NRXN3: variants seen among roughly 807,000 people sequenced by gnomAD.
NRXN3 encodes neurexin III.
Under a neutral mutation model 137.6 loss-of-function variants are expected in NRXN3, and 32 were observed. The ratio of observed to expected loss-of-function variants is 0.23; its 90% CI spans 0.18 to 0.31. The LOEUF (loss-of-function observed/expected upper bound fraction) is 0.31. NRXN3 is among the 10% of genes least tolerant of loss of function. The probability of loss-of-function intolerance (pLI) is 1.00; values close to 1 mark genes in which losing one functional copy is unlikely to be tolerated. For synonymous variants in NRXN3, 798 were observed against 784.5 expected (o/e 1.02, Z -0.29); for missense variants, 1,574 against 2,062.5 (o/e 0.76, Z 4.59).
At chr14:78,780,237 G>A (rs1172000404) in intron 8 of NRXN3, among the ~76,000 whole-genome samples, 2 of 151,882 alleles carry the variant, frequency 1.3e-5, no homozygotes, top group African/African-American at 4.8e-5. Flanking sequence ...TATGATGCTG[G>A]AATAATTTCT....
At chr14:78,893,781 T>C (rs1378070888) in intron 10 of NRXN3, among the ~76,000 whole-genome samples, 1 of 151,892 alleles carries the variant, frequency 6.6e-6, no homozygotes, top group Non-Finnish European at 1.5e-5. Context: ...GTATAAAGTG[T>C]CCAGATAAAA....
rs1161356470 is a variant in NRXN3 at position 78,957,321 on chromosome 14, A to C, written c.2355A>C (p.Gly785=). 2 of 1,613,950 alleles carry C rather than the reference A, an allele frequency of 1.2e-6. No homozygotes were observed. The highest frequency in any genetic ancestry group is 4.5e-5 in the East Asian group (2 of 44,890). ...ACACCGTTCGGGTGGTGCGGAGAGGAAAAAGCCTTAAGTTAACCGTGGATG... is the reference window on the plus strand; with the variant it reads ...ACACCGTTCGGGTGGTGCGGAGAGGCAAAAGCCTTAAGTTAACCGTGGATG... ...EWHTVRVVRR[G]KSLKLTVDDD... is the part of the protein sequence containing the mutation. Residue 785 remains glycine (G), a synonymous_variant, in exon 11 of 21, where the codon GGA becomes GGC. Coordinates refer to ENST00000335750, the MANE Select transcript of NRXN3 (RefSeq NM_001330195.2).
intron 4 of NRXN3, among the ~76,000 whole-genome samples, chr14:78,563,267 A>G (rs1347306338): frequency 6.6e-6 from 1 of 152,242 alleles, no homozygotes; most frequent in Non-Finnish European, 1.5e-5. Flanking sequence ...AGGGCTCTCC[A>G]ATATTCATCG....
chr14:79,789,439 C>T (rs1452131337), intron 19 of NRXN3, among the ~76,000 whole-genome samples: 1 of 152,046 alleles, frequency 6.6e-6, no homozygotes, highest in African/African-American at 2.4e-5. Context: ...AGGGTGAGTT[C>T]ACAGGGTACA....
intron 4 of NRXN3, among the ~76,000 whole-genome samples, chr14:78,488,945 C>A (rs1442380050): frequency 6.6e-6 from 1 of 152,022 alleles, no homozygotes; most frequent in South Asian, 2.1e-4. Flanking sequence ...GTAGGTAGCA[C>A]TTACCATGGA....
At chr14:79,049,128 C>A (rs926169918) in intron 15 of NRXN3, among the ~76,000 whole-genome samples, 1 of 132,648 alleles carries the variant, frequency 7.5e-6, no homozygotes, top group Non-Finnish European at 1.6e-5. Context: ...ACTGATTCTT[C>A]TGTTTACAAA....
chr14:79,726,286 G>A (rs924516717), intron 19 of NRXN3, among the ~76,000 whole-genome samples: 1 of 152,152 alleles, frequency 6.6e-6, no homozygotes, highest in African/African-American at 2.4e-5. Context: ...CTGCACCTGG[G>A]TAATAACTAC....
chr14:78,228,741 ACT>A (rs2065004022), intron 1 of NRXN3, among the ~76,000 whole-genome samples: 3 of 152,116 alleles, frequency 2.0e-5, no homozygotes, highest in Non-Finnish European at 2.9e-5. Flanking sequence ...GTTTTATCTG[ACT>A]CTAGTCTAGC....
At chr14:79,626,430 A>T (rs1156281745) in intron 16 of NRXN3, among the ~76,000 whole-genome samples, 2 of 139,906 alleles carry the variant, frequency 1.4e-5, no homozygotes, top group African/African-American at 5.8e-5. Context: ...TAAACCACTG[A>T]AATAACCCTC....
intron 1 of NRXN3, among the ~76,000 whole-genome samples, chr14:78,201,911 A>G (rs1476947578): frequency 3.9e-5 from 6 of 152,220 alleles, no homozygotes; most frequent in Non-Finnish European, 8.8e-5. Flanking sequence ...ATGAGCCTGC[A>G]CCATTCAAAG....
chr14:78,555,274 C>CT (rs2096727715), intron 4 of NRXN3, among the ~76,000 whole-genome samples: 1 of 152,094 alleles, frequency 6.6e-6, no homozygotes, highest in Non-Finnish European at 1.5e-5. Context: ...GTGGCAGTGT[C>CT]TTCATACATT....
At position 78,756,463 on chromosome 14, in the gene NRXN3, G is replaced by A. The variant is rs796348261; in HGVS notation, c.2044+41324G>A. On this transcript the variant is annotated intron_variant, in intron 8 of 20. Transcript: ENST00000335750. ...AGATCGTGCCACTGTACTTGGCTCT[G>A]TACAAGATCAGCCTGGGTGACAGAG... is the stretch of plus-strand genomic sequence containing the variant. Among the ~76,000 whole-genome samples the A allele has an allele frequency of 9.1e-4, 136 of 149,714 alleles. 1 individual carries two copies. The highest frequency in any genetic ancestry group is 3.3e-3 in the African/African-American group (133 of 40,578).
chr14:78,933,080 A>G (rs1269164844), intron 10 of NRXN3, among the ~76,000 whole-genome samples: 1 of 152,114 alleles, frequency 6.6e-6, no homozygotes, highest in African/African-American at 2.4e-5. Flanking sequence ...GATGATGCCC[A>G]ATGCTTGTCT....
intron 15 of NRXN3, among the ~76,000 whole-genome samples, chr14:79,444,937 C>CTG (rs2096033738): frequency 6.6e-6 from 1 of 152,160 alleles, no homozygotes; most frequent in Non-Finnish European, 1.5e-5. Flanking sequence ...TCAGGTTTAC[C>CTG]TGAACTCCAA....
chr14:79,138,289 G>A (rs2058448273), intron 15 of NRXN3, among the ~76,000 whole-genome samples: 1 of 152,138 alleles, frequency 6.6e-6, no homozygotes, highest in Non-Finnish European at 1.5e-5. Context: ...GAGTAGCTGG[G>A]ACCACAGGCA....
intron 15 of NRXN3, among the ~76,000 whole-genome samples, chr14:79,386,869 T>C (rs914650203): frequency 8.5e-5 from 13 of 152,302 alleles, no homozygotes; most frequent in Admixed American, 1.3e-4. Context: ...CCCTATTTAA[T>C]AAATGGTGCT....
chr14:79,025,326 G>T (rs1174585961), intron 15 of NRXN3, among the ~76,000 whole-genome samples: 1 of 152,084 alleles, frequency 6.6e-6, no homozygotes, highest in South Asian at 2.1e-4. Context: ...CCATCTTACT[G>T]TTGGAACTCT....
intron 4 of NRXN3, among the ~76,000 whole-genome samples, chr14:78,401,934 TC>T (rs1351620417): frequency 6.6e-6 from 1 of 152,250 alleles, no homozygotes; most frequent in Non-Finnish European, 1.5e-5. Flanking sequence ...TGCATTCGAT[TC>T]CAGGTTTGCT....
At chr14:79,374,350 C>A (rs72688985) in intron 15 of NRXN3, among the ~76,000 whole-genome samples, 12,543 of 151,870 alleles carry the variant, frequency 0.083, 543 homozygotes, top group Middle Eastern at 0.12. Context: ...ATTACATGCC[C>A]TTTATGTTAG....
Sources: gnomAD v4.1 joint callset for allele counts (sites outside exome capture counted in the v4.1 genomes callset) on GRCh38, gnomAD v4.1.1 for gene constraint, MANE v1.5 for transcripts, NCBI Gene and HGNC (gene_info 2026-07-23, HGNC 2026-07-21) for gene names.